GABRA4: variants seen among roughly 807,000 people sequenced by gnomAD.
GABRA4 encodes gamma-aminobutyric acid type A receptor subunit alpha4, also known as gamma-aminobutyric acid receptor subunit alpha-4.
GABRA4 carries 12 observed loss-of-function variants against 49.7 expected under a neutral mutation model. The ratio of observed to expected loss-of-function variants is 0.24; its 90% CI spans 0.15 to 0.39. The LOEUF (loss-of-function observed/expected upper bound fraction) is 0.39, where lower values mean the gene tolerates loss of function less well. GABRA4 is among the 10% of genes least tolerant of loss of function. The pLI, the probability that GABRA4 is intolerant of heterozygous loss-of-function variation, is 1.00. For missense variants in GABRA4, 506 were observed against 686.0 expected, an observed-to-expected ratio of 0.74 and a Z score of 2.93; for synonymous variants, 288 against 240.2, an observed-to-expected ratio of 1.20 and a Z score of -1.84.
At chr4:46,948,230 GTCC>G (rs1007879220) in intron 8 of GABRA4, among the ~76,000 whole-genome samples, 11 of 151,958 alleles carry the variant, frequency 7.2e-5, no homozygotes, top group African/African-American at 2.7e-4. Context: ...AAAATCTTAA[GTCC>G]TCCACTGAAC....
intron 8 of GABRA4, among the ~76,000 whole-genome samples, chr4:46,955,781 T>G (rs1194448733): frequency 6.6e-6 from 1 of 152,126 alleles, no homozygotes; most frequent in Non-Finnish European, 1.5e-5. Flanking sequence ...GTAAGTATAC[T>G]TGAATACTTG....
chr4:46,966,673 T>G (rs1722763394), intron 7 of GABRA4, among the ~76,000 whole-genome samples: 1 of 151,744 alleles, frequency 6.6e-6, no homozygotes, highest in Non-Finnish European at 1.5e-5. Flanking sequence ...CCAATCCATT[T>G]TCTCTGAAAT....
intron 8 of GABRA4, among the ~76,000 whole-genome samples, chr4:46,933,711 G>C (rs910469026): frequency 8.5e-5 from 13 of 152,266 alleles, no homozygotes; most frequent in Admixed American, 4.6e-4. Context: ...ATGTGTCAGA[G>C]TGATGTTGTG....
At chr4:46,950,553 G>A (rs1435818413) in intron 8 of GABRA4, among the ~76,000 whole-genome samples, 1 of 151,532 alleles carries the variant, frequency 6.6e-6, no homozygotes, top group Non-Finnish European at 1.5e-5. Flanking sequence ...TAGCAAAATG[G>A]CATTTTCTAA....
chr4:46,991,363 C>G (rs978010111), intron 2 of GABRA4, among the ~76,000 whole-genome samples: 1 of 152,114 alleles, frequency 6.6e-6, no homozygotes, highest in African/African-American at 2.4e-5. Context: ...CTCAGTGTCC[C>G]CATCTGTTAA....
At position 46,919,269 on chromosome 4, in the gene GABRA4, T is replaced by C. The variant is rs1475953029; in HGVS notation, c.*8956A>G. The C allele has an allele frequency of 6.6e-6, 1 of 151,590 alleles. No homozygotes were observed. Among genetic ancestry groups the C allele is most frequent in the Non-Finnish European group, 1.5e-5 (1 of 67,570 alleles). The allele number at this position is 151,590 out of a possible 1,614,324, so 9.4% of individuals were successfully genotyped here. A position where few individuals can be genotyped will look rare whatever the true frequency, so the allele number is the denominator to read the frequency against. The stretch of plus-strand genomic sequence containing the variant: ...ATTACTTTAAAATAGTAAACCAATA[T>C]TTGATAATGCTCCTTTTTTTCAAAA... On this transcript the variant is annotated 3_prime_UTR_variant, in exon 9 of 9. Transcript: ENST00000264318.
At chr4:46,943,385 C>T (rs1031218188) in intron 8 of GABRA4, among the ~76,000 whole-genome samples, 2 of 152,108 alleles carry the variant, frequency 1.3e-5, no homozygotes, top group East Asian at 1.9e-4. Context: ...AGACATTCAA[C>T]ATTTTTCACC....
chr4:46,945,300 G>A (rs1462002436), intron 8 of GABRA4, among the ~76,000 whole-genome samples: 1 of 152,122 alleles, frequency 6.6e-6, no homozygotes, highest in African/African-American at 2.4e-5. Context: ...CTGCTACTGA[G>A]TTGGAAAGGG....
intron 7 of GABRA4, among the ~76,000 whole-genome samples, chr4:46,969,359 A>AT (rs1021226075): frequency 1.3e-5 from 2 of 151,488 alleles, no homozygotes; most frequent in African/African-American, 2.4e-5. Flanking sequence ...AAATATTTGT[A>AT]TTTTTTTGTA....
At chr4:46,963,104 TC>T (rs1268217675) in intron 8 of GABRA4, among the ~76,000 whole-genome samples, 2 of 151,726 alleles carry the variant, frequency 1.3e-5, no homozygotes, top group Non-Finnish European at 2.9e-5. Flanking sequence ...AGGGATCACA[TC>T]AAGTTAAAAA....
intron 2 of GABRA4, among the ~76,000 whole-genome samples, chr4:46,983,428 T>A (rs556301755): frequency 6.6e-6 from 1 of 152,270 alleles, no homozygotes; most frequent in South Asian, 2.1e-4. Flanking sequence ...CACAATGCCT[T>A]GCACATATTA....
At chr4:46,938,281 A>T (rs1721667591) in intron 8 of GABRA4, among the ~76,000 whole-genome samples, 2 of 152,152 alleles carry the variant, frequency 1.3e-5, no homozygotes, top group Admixed American at 1.3e-4. Flanking sequence ...TATTCTTAAT[A>T]TAGACTTGAT....
At chr4:46,964,571 G>A (rs1039632576) in intron 8 of GABRA4, among the ~76,000 whole-genome samples, 10 of 151,642 alleles carry the variant, frequency 6.6e-5, no homozygotes, top group Admixed American at 5.9e-4. Flanking sequence ...TTAAACATAA[G>A]CAATTTTTAA....
chr4:46,947,768 G>T (rs1722031071), intron 8 of GABRA4, among the ~76,000 whole-genome samples: 1 of 152,062 alleles, frequency 6.6e-6, no homozygotes, highest in South Asian at 2.1e-4. Flanking sequence ...TTAAAAGCAT[G>T]TGTTTCCCAG....
chr4:46,929,652 T>A (rs1721358840), intron 8 of GABRA4, among the ~76,000 whole-genome samples: 1 of 152,128 alleles, frequency 6.6e-6, no homozygotes, highest in Non-Finnish European at 1.5e-5. Context: ...TCCATGCTAA[T>A]GAAGGACAGT....
At chr4:46,952,115 A>G (rs1307724809) in intron 8 of GABRA4, among the ~76,000 whole-genome samples, 1 of 152,090 alleles carries the variant, frequency 6.6e-6, no homozygotes, top group African/African-American at 2.4e-5. Context: ...GATTGGTGAG[A>G]CTAGAGAGTA....
intron 8 of GABRA4, among the ~76,000 whole-genome samples, chr4:46,949,326 A>G (rs1173715291): frequency 6.6e-6 from 1 of 152,160 alleles, no homozygotes; most frequent in African/African-American, 2.4e-5. Flanking sequence ...CTATTTGGAA[A>G]CATTTAAATT....
chr4:46,991,952 G>C (rs980186188), intron 2 of GABRA4, among the ~76,000 whole-genome samples: 1 of 152,206 alleles, frequency 6.6e-6, no homozygotes, highest in Non-Finnish European at 1.5e-5. Context: ...GCAGTGTACT[G>C]TAAAAAACAG....
rs1015769357 is a variant in GABRA4 at position 46,921,338 on chromosome 4, T to C, written c.*6887A>G. On this transcript the variant is annotated 3_prime_UTR_variant, in exon 9 of 9. Transcript: ENST00000264318. The stretch of plus-strand genomic sequence containing the variant: ...ACAGTGTAATAAATTAACATTGGGA[T>C]AGAAATACACGACTGAAAAGTAAAG... 1.3e-5 allele frequency: 2 copies of C among 151,726 alleles called. No individual in the cohort carries two copies. The highest frequency in any genetic ancestry group is 2.4e-5 in the African/African-American group (1 of 41,326). The allele number at this position is 151,726 out of a possible 1,614,324, so 9.4% of individuals were successfully genotyped here.
Sources: gnomAD v4.1 joint callset for allele counts (sites outside exome capture counted in the v4.1 genomes callset) on GRCh38, gnomAD v4.1.1 for gene constraint, MANE v1.5 for transcripts, NCBI Gene and HGNC (gene_info 2026-07-23, HGNC 2026-07-21) for gene names.